NSRP1: variants seen among roughly 807,000 people sequenced by gnomAD.
NSRP1 encodes coiled-coil domain containing 55.
Under a neutral mutation model 54.7 loss-of-function variants are expected in NSRP1, and 24 were observed. The ratio of observed to expected loss-of-function variants is 0.44; its 90% confidence interval spans 0.32 to 0.62. The LOEUF is 0.62. NSRP1 is among the 20% of genes least tolerant of loss of function. NSRP1 has a pLI of 0.06. For synonymous variants in NSRP1, 210 were observed against 213.8 expected (o/e 0.98, Z 0.15); for missense variants, 596 against 651.2 (o/e 0.92, Z 0.92).
intron 2 of NSRP1, chr17:30,150,614 CCCT>C (rs1269385845): frequency 6.6e-6 from 1 of 151,458 alleles, no homozygotes; most frequent in Non-Finnish European, 1.5e-5. Flanking sequence ...TCGTGATCCA[CCCT>C]CCTCGGCCTC....
chr17:30,178,106 T>G lies in NSRP1; in HGVS notation c.207T>G (p.Asp69Glu), dbSNP rs752681070. 2 of 1,612,230 alleles carry G rather than the reference T, an allele frequency of 1.2e-6. No homozygotes were observed. The highest frequency in any genetic ancestry group is 1.7e-6 in the Non-Finnish European group (2 of 1,179,412). ...KLEIQKALAE[D>E]ATVYEYDSIY... ...AAATCCAGAAGGCCCTTGCAGAAGA[T>G]GCTACTGTGTATGAATATGACAGTA... The change falls in exon 4 of 7, where the codon GAT becomes GAG. Residue 69 changes from aspartate (D) to glutamate (E), a missense_variant. Transcript: ENST00000247026.
intron 2 of NSRP1, among the ~76,000 whole-genome samples, chr17:30,160,191 A>G (rs1015111236): frequency 2.0e-5 from 3 of 152,020 alleles, no homozygotes; most frequent in Non-Finnish European, 4.4e-5. Context: ...GTACTGTTGG[A>G]TTTGGTTTGG....
At chr17:30,147,638 T>C (rs1447876485) in intron 2 of NSRP1, among the ~76,000 whole-genome samples, 2 of 151,742 alleles carry the variant, frequency 1.3e-5, no homozygotes, top group Non-Finnish European at 2.9e-5. Flanking sequence ...TAATTTTTTA[T>C]ATTTTTAGTA....
chr17:30,150,686 T>G (rs1222179150), intron 2 of NSRP1: 1 of 37,906 alleles, frequency 2.6e-5, no homozygotes, highest in Non-Finnish European at 6.3e-5. Context: ...TGTTGTTGGT[T>G]TTTTTTTTTT....
chr17:30,121,209 C>T (rs973868894), intron 2 of NSRP1, among the ~76,000 whole-genome samples: 3 of 152,034 alleles, frequency 2.0e-5, no homozygotes, highest in Non-Finnish European at 4.4e-5. Context: ...TTGAGTAATT[C>T]GGTGATATCA....
At chr17:30,172,942 A>AATATATAG (rs1335883651) in intron 3 of NSRP1, among the ~76,000 whole-genome samples, 50 of 152,082 alleles carry the variant, frequency 3.3e-4, no homozygotes, top group African/African-American at 1.1e-3. Context: ...GATAGATACA[A>AATATATAG]ATATATAGAT....
chr17:30,166,205 A>G (rs1324801942), intron 2 of NSRP1, among the ~76,000 whole-genome samples: 1 of 152,072 alleles, frequency 6.6e-6, no homozygotes, highest in East Asian at 1.9e-4. Flanking sequence ...GAGAGAGAAC[A>G]GTTGTAGACT....
At chr17:30,121,037 G>T (rs540128720) in intron 2 of NSRP1, among the ~76,000 whole-genome samples, 1 of 152,136 alleles carries the variant, frequency 6.6e-6, no homozygotes, top group South Asian at 2.1e-4. Flanking sequence ...AAGAAATACA[G>T]AATGGCATAC....
At chr17:30,170,892 C>G (rs1415154025) in intron 2 of NSRP1, among the ~76,000 whole-genome samples, 2 of 152,188 alleles carry the variant, frequency 1.3e-5, no homozygotes, top group Non-Finnish European at 2.9e-5. Flanking sequence ...TACATCTGCA[C>G]CAGCAGTATA....
intron 2 of NSRP1, among the ~76,000 whole-genome samples, chr17:30,122,942 ACCTTTTTT>A (rs2071617218): frequency 6.6e-6 from 1 of 151,824 alleles, no homozygotes; most frequent in South Asian, 2.1e-4. Flanking sequence ...CATGTCATTT[ACCTTTTTT>A]TAAAAAAAAT....
chr17:30,147,756 C>G (rs1396266316), intron 2 of NSRP1, among the ~76,000 whole-genome samples: 1 of 151,836 alleles, frequency 6.6e-6, no homozygotes, highest in Non-Finnish European at 1.5e-5. Context: ...AGCCAGTGCG[C>G]CCAGCCCCGG....
intron 2 of NSRP1, among the ~76,000 whole-genome samples, chr17:30,140,763 C>T (rs575981314): frequency 3.3e-5 from 5 of 152,008 alleles, no homozygotes; most frequent in South Asian, 2.1e-4. Flanking sequence ...CTCCTGACCT[C>T]GTGATCCGCA....
intron 1 of NSRP1, 54 bp downstream of exon 1, chr17:30,116,917 G>C (rs367921621): frequency 6.4e-7 from 1 of 1,552,994 alleles, no homozygotes; most frequent in African/African-American, 1.4e-5. Context: ...TACGGCGACT[G>C]TATCTTTGGC....
At chr17:30,122,059 A>G (rs1241409079) in intron 2 of NSRP1, among the ~76,000 whole-genome samples, 5 of 152,036 alleles carry the variant, frequency 3.3e-5, no homozygotes, top group African/African-American at 9.7e-5. Flanking sequence ...GAATCATGCA[A>G]TAGGCTTTCT....
chr17:30,140,995 T>G (rs991825398), intron 2 of NSRP1, among the ~76,000 whole-genome samples: 1 of 151,836 alleles, frequency 6.6e-6, no homozygotes, highest in Non-Finnish European at 1.5e-5. Context: ...AAAGAAAAAA[T>G]TGTTTTGTAG....
chr17:30,141,437 C>T (rs1297407147), intron 2 of NSRP1, among the ~76,000 whole-genome samples: 1 of 152,022 alleles, frequency 6.6e-6, no homozygotes. Context: ...CTTTTTCCTC[C>T]ACTTTTTGCT....
At chr17:30,156,000 C>T (rs545554311) in intron 2 of NSRP1, among the ~76,000 whole-genome samples, 94 of 151,776 alleles carry the variant, frequency 6.2e-4, no homozygotes, top group African/African-American at 2.1e-3. Flanking sequence ...CCACCAAACC[C>T]GGCTAATTTT....
chr17:30,178,740 A>G (rs1379618332), intron 4 of NSRP1, among the ~76,000 whole-genome samples: 1 of 152,178 alleles, frequency 6.6e-6, no homozygotes, highest in Non-Finnish European at 1.5e-5. Context: ...ATAAAATTAT[A>G]TTAAGCTACT....
chr17:30,182,732 A>G (rs1905353982), intron 6 of NSRP1, among the ~76,000 whole-genome samples: 1 of 152,128 alleles, frequency 6.6e-6, no homozygotes, highest in African/African-American at 2.4e-5. Context: ...CAGGAGATTG[A>G]GACCATCCTG....
Sources: gnomAD v4.1 joint callset for allele counts (sites outside exome capture counted in the v4.1 genomes callset) on GRCh38, gnomAD v4.1.1 for gene constraint, MANE v1.5 for transcripts, NCBI Gene and HGNC (gene_info 2026-07-23, HGNC 2026-07-21) for gene names.